The following ARL13B variants were observed in gnomAD, a reference collection of about 807,000 sequenced individuals.
The protein encoded by ARL13B is ARF like GTPase 13B, also known as ADP-ribosylation factor-like protein 13B.
ARL13B carries 36 observed loss-of-function variants against 56.1 expected under a neutral mutation model. The ratio of observed to expected loss-of-function variants is 0.64; its 90% CI spans 0.49 to 0.85. The LOEUF (loss-of-function observed/expected upper bound fraction) is 0.85. Ranked by LOEUF, ARL13B falls within the 40% of genes least tolerant of loss-of-function variation. The probability of loss-of-function intolerance (pLI) is 0.00; values close to 1 mark genes in which losing one functional copy is unlikely to be tolerated. For missense variants in ARL13B, 519 were observed against 507.1 expected (o/e 1.02, Z -0.23); for synonymous variants, 178 against 171.1 (o/e 1.04, Z -0.32).
At chr3:94,003,592 A>G (rs1034482116) in intron 2 of ARL13B, 67 bp from the exon 3 acceptor site, 5 of 1,553,828 alleles carry the variant, frequency 3.2e-6, no homozygotes, top group Non-Finnish European at 4.4e-6. Context: ...CTAAAATTTT[A>G]GTTGAAAAAT....
intron 7 of ARL13B, 82 bp from the exon 8 acceptor site, chr3:94,049,324 A>G (rs766543578): frequency 1.0e-5 from 8 of 790,256 alleles, no homozygotes; most frequent in Admixed American, 2.4e-5. Flanking sequence ...TAATATCAGT[A>G]TTCTTGTTGT....
intron 1 of ARL13B, 41 bp downstream of exon 1, chr3:93,980,523 A>C: frequency 6.2e-7 from 1 of 1,604,900 alleles, no homozygotes; most frequent in Non-Finnish European, 8.5e-7. Context: ...TAGGGGTTGG[A>C]GATGGCTGCG....
intron 1 of ARL13B, among the ~76,000 whole-genome samples, chr3:93,981,865 C>CAAAAAAA (rs11396818): frequency 7.8e-3 from 518 of 66,192 alleles, no homozygotes; most frequent in Middle Eastern, 0.028. Context: ...AACCCTGTCT[C>CAAAAAAA]AAAAAAAAAA....
In ARL13B at chr3:94,009,074, A is replaced by AAGATAGATAGATAGATAGAT. The variant is rs58584662; in HGVS notation, c.380+5196_380+5215dup. Among the ~76,000 whole-genome samples the AAGATAGATAGATAGATAGAT allele has an allele frequency of 1.1e-3, 155 of 143,966 alleles. 1 individual carries two copies. The highest frequency in any genetic ancestry group is 1.4e-3 in the South Asian group (6 of 4,322). The allele number at this position is 143,966 out of a possible 152,430, so 94.4% of individuals were successfully genotyped here. A position where few individuals can be genotyped will look rare whatever the true frequency, so the allele number is the denominator to read the frequency against. ...TAGCCCTGCTCCTCAAGGAGCAGTAAAGATAGATAGATAGATAGATAGATA... is the reference window on the plus strand; with the variant it reads ...TAGCCCTGCTCCTCAAGGAGCAGTAAAGATAGATAGATAGATAGATAGATAGATAGATAGATAGATAGATA... On this transcript the variant is annotated intron_variant, in intron 3 of 9. Coordinates refer to ENST00000394222, the MANE Select transcript of ARL13B (RefSeq NM_001174150.2).
chr3:94,054,581 A>T lies in ARL13B; in HGVS notation c.*1318A>T. On this transcript the variant is annotated 3_prime_UTR_variant, in exon 10 of 10. Transcript: ENST00000394222. ...GGTAACTTGTACTGACACAACAGAC[A>T]TGTGCTAGTATCTGATAACATTAAG... The T allele has an allele frequency of 2.5e-6, 1 of 396,304 alleles. No homozygotes were observed. Among genetic ancestry groups the T allele is most frequent in the Non-Finnish European group, 4.9e-6 (1 of 204,388 alleles). The allele number at this position is 396,304 out of a possible 1,614,324, so 24.5% of individuals were successfully genotyped here. A position where few individuals can be genotyped will look rare whatever the true frequency, so the allele number is the denominator to read the frequency against.
intron 1 of ARL13B, among the ~76,000 whole-genome samples, chr3:93,985,647 C>T (rs975421403): frequency 6.6e-6 from 1 of 152,008 alleles, no homozygotes; most frequent in Non-Finnish European, 1.5e-5. Context: ...ATATGCCTGC[C>T]AGGTTTTATA....
At chr3:93,988,320 T>C (rs187073827) in intron 1 of ARL13B, among the ~76,000 whole-genome samples, 2 of 152,050 alleles carry the variant, frequency 1.3e-5, no homozygotes, top group East Asian at 3.9e-4. Flanking sequence ...TGTATTGCCA[T>C]TTAGTATATT....
At chr3:93,993,042 T>C (rs759722362) in intron 1 of ARL13B, among the ~76,000 whole-genome samples, 11 of 149,556 alleles carry the variant, frequency 7.4e-5, no homozygotes, top group Admixed American at 4.7e-4. Context: ...TGAGCTCGAG[T>C]GATCGGCCCT....
At position 94,036,905 on chromosome 3, in the gene ARL13B, G is replaced by C. The variant is rs994779442; in HGVS notation, c.689+151G>C. 8 of 933,752 alleles carry C rather than the reference G, an allele frequency of 8.6e-6. No homozygotes were observed. The South Asian group carries it at 1.2e-4, about 14-fold the overall frequency. The allele number at this position is 933,752 out of a possible 1,614,324, so 57.8% of individuals were successfully genotyped here. On this transcript the variant is annotated intron_variant, in intron 5 of 9. Coordinates refer to ENST00000394222, the MANE Select transcript of ARL13B (RefSeq NM_001174150.2). ...TTTGTATTTCTGTGGATCTTTTTCT[G>C]TACAAGTTTGGGTGGTAGATTCCTA... is the stretch of plus-strand genomic sequence containing the variant.
At chr3:93,998,381 A>T (rs1198345896) in intron 2 of ARL13B, among the ~76,000 whole-genome samples, 2 of 151,758 alleles carry the variant, frequency 1.3e-5, no homozygotes, top group Non-Finnish European at 2.9e-5. Context: ...CCTTTTTCTG[A>T]GTCTAGAAAA....
At position 94,054,090 on chromosome 3, in the gene ARL13B, T is replaced by G. The variant is rs549009552; in HGVS notation, c.*827T>G. On this transcript the variant is annotated 3_prime_UTR_variant, in exon 10 of 10. Transcript: ENST00000394222. ...TAAAAGTCTCAGTAAAGTCCTATTT[T>G]AAAGGTTAGACACTTTCAGAGATCA... 1 of 451,004 alleles carries G rather than the reference T, an allele frequency of 2.2e-6. No individual in the cohort carries two copies. Among genetic ancestry groups the G allele is most frequent in the African/African-American group, 2.0e-5 (1 of 50,046 alleles). The allele number at this position is 451,004 out of a possible 1,614,324, so 27.9% of individuals were successfully genotyped here. A position where few individuals can be genotyped will look rare whatever the true frequency, so the allele number is the denominator to read the frequency against.
At chr3:94,010,094 C>T (rs2076199479) in intron 3 of ARL13B, among the ~76,000 whole-genome samples, 1 of 152,086 alleles carries the variant, frequency 6.6e-6, no homozygotes, top group African/African-American at 2.4e-5. Flanking sequence ...CTCTCCAGAT[C>T]ATTCTGATTT....
At chr3:93,988,238 G>GAA (rs370248759) in intron 1 of ARL13B, among the ~76,000 whole-genome samples, 10 of 119,844 alleles carry the variant, frequency 8.3e-5, no homozygotes, top group Non-Finnish European at 9.0e-5. Context: ...ACAATTCTGT[G>GAA]AAAAAAAAAA....
intron 3 of ARL13B, among the ~76,000 whole-genome samples, chr3:94,027,136 T>C (rs1188368384): frequency 6.6e-6 from 1 of 152,096 alleles, no homozygotes; most frequent in African/African-American, 2.4e-5. Context: ...TCAAGAAATA[T>C]GACCAGTTTT....
intron 3 of ARL13B, among the ~76,000 whole-genome samples, chr3:94,020,742 G>A (rs1273241864): frequency 6.6e-6 from 1 of 152,124 alleles, no homozygotes; most frequent in Admixed American, 6.6e-5. Context: ...ACATTTAAGA[G>A]CAAGTTTTTG....
chr3:94,044,464 G>T (rs184897264), intron 7 of ARL13B, among the ~76,000 whole-genome samples: 13 of 131,004 alleles, frequency 9.9e-5, no homozygotes, highest in Admixed American at 5.4e-4. Context: ...CGGCCACCCC[G>T]TCTGGGAAGT....
intron 1 of ARL13B, among the ~76,000 whole-genome samples, chr3:93,985,416 A>G (rs1710411470): frequency 6.6e-6 from 1 of 152,184 alleles, no homozygotes. Flanking sequence ...GATTTTTAAG[A>G]TTTTTAATGA....
At chr3:94,014,420 A>G (rs752066570) in intron 3 of ARL13B, 2 of 1,575,472 alleles carry the variant, frequency 1.3e-6, no homozygotes, top group East Asian at 2.2e-5. Context: ...CACCAACAAC[A>G]CAGTACTCTG....
At chr3:94,031,281 AT>A (rs1021414459) in intron 3 of ARL13B, among the ~76,000 whole-genome samples, 215 of 148,288 alleles carry the variant, frequency 1.4e-3, no homozygotes, top group Middle Eastern at 3.5e-3. Context: ...ACATGGTTAG[AT>A]TTTTTTTTTT....
Sources: gnomAD v4.1 joint callset for allele counts (sites outside exome capture counted in the v4.1 genomes callset) on GRCh38, gnomAD v4.1.1 for gene constraint, MANE v1.5 for transcripts, NCBI Gene and HGNC (gene_info 2026-07-23, HGNC 2026-07-21) for gene names.